The following PTPRR variants were observed in gnomAD, a reference collection of about 807,000 sequenced individuals.
PTPRR encodes the protein receptor-type tyrosine-protein phosphatase R.
Under a neutral mutation model 77.2 loss-of-function variants are expected in PTPRR, and 38 were observed. The ratio of observed to expected loss-of-function variants is 0.49; its 90% CI spans 0.38 to 0.65. The LOEUF is 0.65. Among genes scored for constraint, PTPRR ranks in the 30% least tolerant of loss-of-function variants. The pLI, the probability that PTPRR is intolerant of heterozygous loss-of-function variation, is 0.00. For missense variants in PTPRR, 744 were observed against 799.2 expected, an observed-to-expected ratio of 0.93 and a Z score of 0.83; for synonymous variants, 299 against 283.1, an observed-to-expected ratio of 1.06 and a Z score of -0.57.
chr12:70,678,962 G>A (rs1376249442), intron 10 of PTPRR, among the ~76,000 whole-genome samples: 2 of 152,140 alleles, frequency 1.3e-5, no homozygotes, highest in Admixed American at 6.5e-5. Flanking sequence ...GATTACAAGC[G>A]TAAGCCACGC....
chr12:70,880,972 T>TG (rs1893140442), intron 2 of PTPRR, among the ~76,000 whole-genome samples: 1 of 152,192 alleles, frequency 6.6e-6, no homozygotes, highest in African/African-American at 2.4e-5. Flanking sequence ...TTGTAATACA[T>TG]GAAAAAAAAT....
intron 2 of PTPRR, among the ~76,000 whole-genome samples, chr12:70,839,215 C>T (rs1210645331): frequency 6.6e-6 from 1 of 152,138 alleles, no homozygotes; most frequent in African/African-American, 2.4e-5. Context: ...AACTATCCCA[C>T]CTACCTGGTC....
At chr12:70,822,860 A>G (rs1462355510) in intron 2 of PTPRR, among the ~76,000 whole-genome samples, 1 of 152,168 alleles carries the variant, frequency 6.6e-6, no homozygotes, top group Non-Finnish European at 1.5e-5. Context: ...TTGGTAGATT[A>G]GAGCGTAATG....
intron 2 of PTPRR, among the ~76,000 whole-genome samples, chr12:70,876,123 A>T (rs1182871083): frequency 6.6e-6 from 1 of 152,194 alleles, no homozygotes; most frequent in Non-Finnish European, 1.5e-5. Flanking sequence ...TATTAATTAA[A>T]ATACTCTTGG....
At chr12:70,653,471 T>C (rs1165136776) in intron 13 of PTPRR, among the ~76,000 whole-genome samples, 2 of 152,028 alleles carry the variant, frequency 1.3e-5, no homozygotes, top group East Asian at 3.9e-4. Context: ...GGAAGCAGGA[T>C]TGGGGGGTAA....
At chr12:70,881,987 A>C (rs1196651772) in intron 2 of PTPRR, among the ~76,000 whole-genome samples, 1 of 152,146 alleles carries the variant, frequency 6.6e-6, no homozygotes, top group Non-Finnish European at 1.5e-5. Context: ...TTATTGTGAC[A>C]CTATTGTGAC....
chr12:70,837,419 T>TAACA (rs370337814), intron 2 of PTPRR, among the ~76,000 whole-genome samples: 111 of 152,268 alleles, frequency 7.3e-4, no homozygotes, highest in African/African-American at 2.6e-3. Context: ...AATACAGTAA[T>TAACA]AACAAACAAA....
At chr12:70,866,487 A>G (rs1320520715) in intron 2 of PTPRR, among the ~76,000 whole-genome samples, 1 of 152,226 alleles carries the variant, frequency 6.6e-6, no homozygotes, top group Non-Finnish European at 1.5e-5. Context: ...ACCAGGAAGA[A>G]GTTGAATCCC....
At chr12:70,801,211 G>A (rs1891609113) in intron 2 of PTPRR, among the ~76,000 whole-genome samples, 1 of 152,162 alleles carries the variant, frequency 6.6e-6, no homozygotes, top group South Asian at 2.1e-4. Flanking sequence ...GAAACAGATG[G>A]AGTTGGGCTC....
chr12:70,820,813 T>C (rs1206389232), intron 2 of PTPRR, among the ~76,000 whole-genome samples: 2 of 152,118 alleles, frequency 1.3e-5, no homozygotes, highest in Non-Finnish European at 2.9e-5. Context: ...TCAGCAAGAG[T>C]CCTGTTGTTT....
rs761827453 is a variant in PTPRR at position 70,745,868 on chromosome 12, G to A, written c.957C>T (p.Thr319=). The change falls in exon 6 of 14, where the codon ACC becomes ACT. Residue 319 remains threonine (T), a synonymous_variant. Coordinates refer to ENST00000283228, the MANE Select transcript of PTPRR (RefSeq NM_002849.4). ...TTTTGAAAGGAGAAGGGCAAACAGA[G>A]GTAGCGGTGGTAGCTTTGATCTCAG... is the stretch of plus-strand genomic sequence containing the variant. ...GAPEIKATTA[T]SVCPSPFKMK... 1.2e-6 allele frequency: 2 copies of A among 1,613,978 alleles called. No individual in the cohort carries two copies. Among genetic ancestry groups the A allele is most frequent in the African/African-American group, 2.7e-5 (2 of 74,890 alleles).
intron 1 of PTPRR, among the ~76,000 whole-genome samples, chr12:70,915,596 T>G (rs1376611501): frequency 6.6e-6 from 1 of 152,204 alleles, no homozygotes; most frequent in Non-Finnish European, 1.5e-5. Flanking sequence ...CAGCAAAGAA[T>G]TTGGGCTGCA....
intron 6 of PTPRR, among the ~76,000 whole-genome samples, chr12:70,702,606 T>A: frequency 6.6e-6 from 1 of 152,180 alleles, no homozygotes; most frequent in East Asian, 1.9e-4. Flanking sequence ...ACAAAATCCA[T>A]TAACGAAAAT....
chr12:70,792,065 G>T (rs1246269913), intron 2 of PTPRR, among the ~76,000 whole-genome samples: 3 of 152,132 alleles, frequency 2.0e-5, no homozygotes, highest in Non-Finnish European at 4.4e-5. Context: ...GTCAGACTGG[G>T]TCTGAAGCAT....
chr12:70,883,226 A>C (rs1483174172), intron 2 of PTPRR, among the ~76,000 whole-genome samples: 2 of 152,144 alleles, frequency 1.3e-5, no homozygotes, highest in African/African-American at 4.8e-5. Context: ...TCACCATTGC[A>C]CTCCAGCCTG....
intron 2 of PTPRR, among the ~76,000 whole-genome samples, chr12:70,855,450 CT>C (rs1176645733): frequency 6.6e-6 from 1 of 152,132 alleles, no homozygotes; most frequent in Non-Finnish European, 1.5e-5. Flanking sequence ...GGTCTTGAGA[CT>C]GACTAGGGCC....
At chr12:70,640,040 T>C (rs969794101) in intron 13 of PTPRR, among the ~76,000 whole-genome samples, 1 of 152,214 alleles carries the variant, frequency 6.6e-6, no homozygotes. Context: ...TTATCATCAC[T>C]AGCTGCCCAG....
chr12:70,805,520 C>T (rs1592767066), intron 2 of PTPRR, among the ~76,000 whole-genome samples: 1 of 151,894 alleles, frequency 6.6e-6, no homozygotes, highest in Non-Finnish European at 1.5e-5. Context: ...TGGTGGGTTC[C>T]TTTTTTACTT....
intron 6 of PTPRR, among the ~76,000 whole-genome samples, chr12:70,742,708 C>T (rs1025630474): frequency 4.6e-5 from 7 of 151,894 alleles, no homozygotes; most frequent in Non-Finnish European, 7.4e-5. Context: ...AAACAGAATT[C>T]GAGGTGGGGA....
Sources: allele counts gnomAD v4.1 joint callset (sites outside exome capture counted in the v4.1 genomes callset), GRCh38; gene constraint gnomAD v4.1.1; transcripts MANE v1.5; gene names NCBI Gene and HGNC (gene_info 2026-07-23, HGNC 2026-07-21).